Variants in NCAM1 observed in about 807,000 individuals in gnomAD.
NCAM1 encodes antigen recognized by monoclonal antibody 5.1H11.
Under a neutral mutation model 109.8 loss-of-function variants are expected in NCAM1, and 14 were observed. That is an observed-to-expected ratio of 0.13 (90% CI 0.08 to 0.20). The LOEUF is 0.20. Ranked by LOEUF, NCAM1 falls within the 10% of genes least tolerant of loss-of-function variation. The pLI, the probability that NCAM1 is intolerant of heterozygous loss-of-function variation, is 1.00. For missense variants in NCAM1, 774 were observed against 1,109.9 expected, an observed-to-expected ratio of 0.70 and a Z score of 4.30; for synonymous variants, 418 against 442.9, an observed-to-expected ratio of 0.94 and a Z score of 0.70.
rs143883407 is a variant in NCAM1, at chr11:113,231,215, G to A, written c.1090-430G>A. On this transcript the variant is annotated intron_variant, in intron 9 of 19. Transcript: ENST00000316851. ...CCACAGGTACATGCACCATGGAACT[G>A]GCAAGTGGGCAGACAGAAAGGACAG... 4.1e-3 allele frequency: 6,335 copies of A among 1,536,144 alleles called. 79 individuals are homozygous for A. The highest frequency in any genetic ancestry group is 0.04 in the African/African-American group (2,949 of 73,166).
At chr11:113,244,248 A>C (rs969132657) in intron 14 of NCAM1, among the ~76,000 whole-genome samples, 1 of 152,182 alleles carries the variant, frequency 6.6e-6, no homozygotes, top group Admixed American at 6.5e-5. Flanking sequence ...CTTCTCTGTT[A>C]GTGAAACACA....
intron 9 of NCAM1, among the ~76,000 whole-genome samples, chr11:113,227,418 T>C (rs1397338817): frequency 1.3e-5 from 2 of 151,950 alleles, no homozygotes; most frequent in East Asian, 1.9e-4. Context: ...AATAACAGGC[T>C]CTGAAATTGA....
Position 113,232,780 on chromosome 11 carries a change from G to T in NCAM1, c.1488G>T (p.Gly496=). 1 of 1,613,932 alleles carries T rather than the reference G, an allele frequency of 6.2e-7. No individual in the cohort carries two copies. The change falls in exon 12 of 20, where the codon GGG becomes GGT. Residue 496 remains glycine, a synonymous_variant. Transcript: ENST00000316851. ...NYNCTAVNRI[G]QESLEFILVQ... ...ACTGTACTGCAGTGAACCGCATTGG[G>T]CAGGAGTCCTTGGAATTCATCCTTG...
chr11:113,226,208 C>T (rs1488300870), intron 9 of NCAM1, among the ~76,000 whole-genome samples: 2 of 152,002 alleles, frequency 1.3e-5, no homozygotes, highest in African/African-American at 2.4e-5. Flanking sequence ...CAGAGACACA[C>T]AGGCTCAAAA....
At chr11:113,249,231 C>G (rs1410046569) in intron 15 of NCAM1, among the ~76,000 whole-genome samples, 2 of 152,218 alleles carry the variant, frequency 1.3e-5, no homozygotes, top group Non-Finnish European at 2.9e-5. Context: ...CCCTTCCACT[C>G]CCTCCTTTAT....
intron 10 of NCAM1, 63 bp downstream of exon 10, chr11:113,231,858 G>T: frequency 6.3e-7 from 1 of 1,593,974 alleles, no homozygotes; most frequent in Non-Finnish European, 8.6e-7. Flanking sequence ...GGATGAGAGA[G>T]GAAAACATCA....
chr11:113,201,133 C>A (rs1944043044), intron 1 of NCAM1, among the ~76,000 whole-genome samples: 1 of 152,152 alleles, frequency 6.6e-6, no homozygotes, highest in Non-Finnish European at 1.5e-5. Flanking sequence ...CCGTGACCTG[C>A]CTTGTCTGTT....
chr11:113,019,287 A>T (rs1194723714), intron 1 of NCAM1, among the ~76,000 whole-genome samples: 1 of 152,110 alleles, frequency 6.6e-6, no homozygotes, highest in Non-Finnish European at 1.5e-5. Flanking sequence ...CTTAGTTCTA[A>T]CATTTGCGTG....
rs541534794 is a variant in NCAM1 at position 113,096,094 on chromosome 11, G to A, written c.53-106285G>A. ...TGTAAGCAAGACTTGGCAAGGTCAGGTCTGACTTCAGGAAGTGCACTGGGG... is the reference window on the plus strand; with the variant it reads ...TGTAAGCAAGACTTGGCAAGGTCAGATCTGACTTCAGGAAGTGCACTGGGG... On this transcript the variant is annotated intron_variant, in intron 1 of 19. Coordinates refer to ENST00000316851, the MANE Select transcript of NCAM1 (RefSeq NM_181351.5). 6.5e-4 allele frequency among the ~76,000 whole-genome samples: 99 copies of A among 152,258 alleles called. 2 individuals are homozygous for A. Among genetic ancestry groups the A allele is most frequent in the East Asian group, 4.4e-3 (23 of 5,180 alleles).
rs1387762315 is a variant in NCAM1 at position 113,187,680 on chromosome 11, A to G, written c.53-14699A>G. On this transcript the variant is annotated intron_variant, in intron 1 of 19. Coordinates refer to ENST00000316851, the MANE Select transcript of NCAM1 (RefSeq NM_181351.5). Reference sequence around the variant, plus strand: ...GGAACGCTCCATGAAATGTGAAGCTATGTGTAGACCCCACACTGGAAAAGA... The same window carrying G: ...GGAACGCTCCATGAAATGTGAAGCTGTGTGTAGACCCCACACTGGAAAAGA... Among the ~76,000 whole-genome samples the G allele has an allele frequency of 2.6e-5, 4 of 152,164 alleles. No homozygotes were observed. In the South Asian group the frequency reaches 8.3e-4, roughly 32 times the overall value.
chr11:113,224,155 C>G (rs1445342777), intron 9 of NCAM1, among the ~76,000 whole-genome samples: 1 of 152,214 alleles, frequency 6.6e-6, no homozygotes, highest in African/African-American at 2.4e-5. Flanking sequence ...CTGGGAAGCA[C>G]AAGGGGTCAG....
intron 8 of NCAM1, among the ~76,000 whole-genome samples, chr11:113,216,498 AT>A (rs1328412737): frequency 6.6e-6 from 1 of 152,224 alleles, no homozygotes; most frequent in African/African-American, 2.4e-5. Flanking sequence ...ACTAAAACAC[AT>A]TCATACTTGC....
chr11:112,985,007 T>C (rs541980123), intron 1 of NCAM1, among the ~76,000 whole-genome samples: 24 of 152,062 alleles, frequency 1.6e-4, no homozygotes, highest in African/African-American at 5.5e-4. Context: ...TGTATTTCCT[T>C]CTAAGAGTTT....
intron 1 of NCAM1, among the ~76,000 whole-genome samples, chr11:112,998,669 C>T (rs1951662542): frequency 6.6e-6 from 1 of 152,090 alleles, no homozygotes; most frequent in African/African-American, 2.4e-5. Flanking sequence ...AAGATGCTTT[C>T]CTTTTCTCCC....
chr11:113,187,645 G>C (rs1555109122), intron 1 of NCAM1, among the ~76,000 whole-genome samples: 1 of 151,686 alleles, frequency 6.6e-6, no homozygotes, highest in Non-Finnish European at 1.5e-5. Flanking sequence ...TGCTTAAATG[G>C]ACTCAGTGAG....
At chr11:113,088,205 A>G (rs1555088619) in intron 1 of NCAM1, among the ~76,000 whole-genome samples, 1 of 152,232 alleles carries the variant, frequency 6.6e-6, no homozygotes, top group East Asian at 1.9e-4. Flanking sequence ...AGCTTTAAAC[A>G]TAAACACTAA....
At chr11:113,088,544 TCTCACTG>T in intron 1 of NCAM1, among the ~76,000 whole-genome samples, 1 of 8,988 alleles carries the variant, frequency 1.1e-4, no homozygotes, top group East Asian at 1.8e-3. Context: ...GGCATAGCGA[TCTCACTG>T]ATCATTGGGT....
intron 1 of NCAM1, among the ~76,000 whole-genome samples, chr11:113,125,844 CAAT>C (rs1941151937): frequency 6.6e-6 from 1 of 151,972 alleles, no homozygotes; most frequent in South Asian, 2.1e-4. Context: ...CCCTTAACAA[CAAT>C]AACAACAAAA....
intron 10 of NCAM1, 42 bp from the exon 11 acceptor site, chr11:113,232,128 A>T (rs371118738): frequency 6.6e-7 from 1 of 1,525,776 alleles, no homozygotes; most frequent in Non-Finnish European, 8.8e-7. Flanking sequence ...GGGGCTTCAT[A>T]ATCATGGCAG....
Sources: gnomAD v4.1 joint callset for allele counts (sites outside exome capture counted in the v4.1 genomes callset) on GRCh38, gnomAD v4.1.1 for gene constraint, MANE v1.5 for transcripts, NCBI Gene and HGNC (gene_info 2026-07-23, HGNC 2026-07-21) for gene names.